OSBP2: variants seen among roughly 807,000 people sequenced by gnomAD.
OSBP2 encodes oxysterol-binding protein 2.
Under a neutral mutation model 96.0 loss-of-function variants are expected in OSBP2, and 66 were observed. The observed-to-expected ratio is 0.69, with a 90% confidence interval of 0.56 to 0.84. The LOEUF is 0.84. Among genes scored for constraint, OSBP2 ranks in the 40% least tolerant of loss-of-function variants. OSBP2 has a pLI of 0.00. For synonymous variants in OSBP2, 525 were observed against 520.9 expected, an observed-to-expected ratio of 1.01 and a Z score of -0.11; for missense variants, 1,038 against 1,222.7, an observed-to-expected ratio of 0.85 and a Z score of 2.25.
At chr22:30,820,374 G>GTT (rs1187263710) in intron 2 of OSBP2, among the ~76,000 whole-genome samples, 1 of 150,608 alleles carries the variant, frequency 6.6e-6, no homozygotes, top group South Asian at 2.1e-4. Flanking sequence ...GGGTGACAGA[G>GTT]TAAGACCCCA....
chr22:30,861,461 G>C (rs2039209056), intron 2 of OSBP2, among the ~76,000 whole-genome samples: 1 of 152,240 alleles, frequency 6.6e-6, no homozygotes, highest in African/African-American at 2.4e-5. Flanking sequence ...GATGAGGAGA[G>C]AGGGGCCTAC....
chr22:30,747,229 A>C (rs1247512203), intron 2 of OSBP2, among the ~76,000 whole-genome samples: 2 of 152,224 alleles, frequency 1.3e-5, no homozygotes, highest in East Asian at 3.8e-4. Context: ...GGGAAGTGAC[A>C]GCTTAAAGGG....
At chr22:30,701,601 C>G (rs2089164552) in intron 1 of OSBP2, among the ~76,000 whole-genome samples, 1 of 152,070 alleles carries the variant, frequency 6.6e-6, no homozygotes, top group Non-Finnish European at 1.5e-5. Flanking sequence ...CCTCGGCCTC[C>G]CAAAGTGCTG....
intron 2 of OSBP2, among the ~76,000 whole-genome samples, chr22:30,852,558 A>C (rs2038996340): frequency 6.6e-6 from 1 of 151,938 alleles, no homozygotes; most frequent in Non-Finnish European, 1.5e-5. Context: ...CTAGAGATTT[A>C]TCAATTTTAT....
intron 1 of OSBP2, among the ~76,000 whole-genome samples, chr22:30,727,264 TAGA>T (rs1376181070): frequency 6.6e-6 from 1 of 152,140 alleles, no homozygotes; most frequent in Non-Finnish European, 1.5e-5. Flanking sequence ...ACCTGAGAGG[TAGA>T]AGAACTGAAA....
chr22:30,764,036 G>C (rs2090239607), intron 2 of OSBP2, among the ~76,000 whole-genome samples: 2 of 152,232 alleles, frequency 1.3e-5, no homozygotes, highest in Admixed American at 6.5e-5. Flanking sequence ...CTCCGTACCT[G>C]TGAGTCATTT....
At chr22:30,828,314 G>A (rs1424144285) in intron 2 of OSBP2, among the ~76,000 whole-genome samples, 2 of 152,184 alleles carry the variant, frequency 1.3e-5, no homozygotes, top group Admixed American at 1.3e-4. Flanking sequence ...CAGCAGCTGC[G>A]TAGGGCACAT....
In OSBP2 at chr22:30,865,631, C is replaced by CAAAA. The variant is rs398040482; in HGVS notation, c.854-4776_854-4773dup. On this transcript the variant is annotated intron_variant, in intron 2 of 13. Transcript: ENST00000332585. Reference sequence around the variant, plus strand: ...TGGGTGACAAAGCAAGACTCCATCTCAAAAAAAAAAAAAAAAAAAAAAAAA... The same window carrying CAAAA: ...TGGGTGACAAAGCAAGACTCCATCTCAAAAAAAAAAAAAAAAAAAAAAAAAAAAA... Among the ~76,000 whole-genome samples, 580 of 59,752 alleles carry CAAAA rather than the reference C, an allele frequency of 9.7e-3. 26 individuals carry two copies. The highest frequency in any genetic ancestry group is 0.044 in the African/African-American group (512 of 11,564). 39.2% of individuals were successfully genotyped at this position (59,752 alleles called of 152,430 possible).
At chr22:30,848,331 A>C (rs2038912234) in intron 2 of OSBP2, among the ~76,000 whole-genome samples, 1 of 152,206 alleles carries the variant, frequency 6.6e-6, no homozygotes, top group Admixed American at 6.5e-5. Flanking sequence ...TGAAATGTAC[A>C]TTTATATATA....
At chr22:30,811,317 T>A (rs914517614) in intron 2 of OSBP2, among the ~76,000 whole-genome samples, 3 of 141,282 alleles carry the variant, frequency 2.1e-5, no homozygotes, top group Admixed American at 7.2e-5. Flanking sequence ...ATTTTATTTT[T>A]TTTATTTTTA....
At chr22:30,889,420 C>A in intron 6 of OSBP2, 70 bp from the exon 7 acceptor site, 2 of 1,578,038 alleles carry the variant, frequency 1.3e-6, no homozygotes, top group Admixed American at 1.7e-5. Flanking sequence ...GGGTGGAGGG[C>A]AGAAACTTGG....
Position 30,695,176 on chromosome 22 carries a change from G to A in OSBP2, c.267G>A (p.Glu89=). 1.2e-6 allele frequency: 2 copies of A among 1,612,160 alleles called. No homozygotes were observed. Among genetic ancestry groups the A allele is most frequent in the Non-Finnish European group, 1.7e-6 (2 of 1,178,902 alleles). ...AACCTGTGTCCGAGACGACGTCTGA[G>A]CCGGAGCCAGGGGCTGGGCAGCCAT... ...RSEPVSETTS[E]PEPGAGQPSE... Residue 89 remains glutamate, a synonymous_variant, in exon 1 of 14, where the codon GAG becomes GAA. Coordinates refer to ENST00000332585, the MANE Select transcript of OSBP2 (RefSeq NM_030758.4).
rs537271598 is a variant in OSBP2, at chr22:30,848,377, A to G, written c.854-22052A>G. On this transcript the variant is annotated intron_variant, in intron 2 of 13. Coordinates refer to ENST00000332585, the MANE Select transcript of OSBP2 (RefSeq NM_030758.4). The stretch of plus-strand genomic sequence containing the variant: ...GTCATATGTATATCTGTATGTCTGT[A>G]GGATAAATGACTAGAACTGGATCAG... Among the ~76,000 whole-genome samples the G allele has an allele frequency of 4.6e-5, 7 of 152,328 alleles. No individual in the cohort carries two copies. In the South Asian group the frequency reaches 1.5e-3, roughly 32 times the overall value.
chr22:30,852,378 G>A (rs2038993664), intron 2 of OSBP2, among the ~76,000 whole-genome samples: 1 of 152,004 alleles, frequency 6.6e-6, no homozygotes, highest in Admixed American at 6.6e-5. Flanking sequence ...TTGGTAATTG[G>A]TTCTTTCAAG....
chr22:30,704,354 C>T (rs747982868), intron 1 of OSBP2, among the ~76,000 whole-genome samples: 27 of 152,024 alleles, frequency 1.8e-4, no homozygotes, highest in Non-Finnish European at 3.8e-4. Context: ...ACACAAGATG[C>T]GCTTAATCCC....
chr22:30,808,907 T>C (rs111643534), intron 2 of OSBP2, among the ~76,000 whole-genome samples: 1 of 152,180 alleles, frequency 6.6e-6, no homozygotes, highest in African/African-American at 2.4e-5. Flanking sequence ...TGAGCTGAGA[T>C]TGTGCCACTG....
intron 1 of OSBP2, among the ~76,000 whole-genome samples, chr22:30,715,837 A>T (rs1024504518): frequency 8.2e-5 from 12 of 145,890 alleles, no homozygotes; most frequent in Admixed American, 2.8e-4. Context: ...GATTATAAGC[A>T]TGAGCCACCA....
intron 3 of OSBP2, among the ~76,000 whole-genome samples, chr22:30,877,545 G>A (rs2147126130): frequency 6.6e-6 from 1 of 152,292 alleles, no homozygotes. Context: ...CATATTACAA[G>A]CTCAGGCTTG....
chr22:30,865,832 A>C (rs1392771084), intron 2 of OSBP2, among the ~76,000 whole-genome samples: 1 of 152,060 alleles, frequency 6.6e-6, no homozygotes, highest in African/African-American at 2.4e-5. Flanking sequence ...ACCCAAGGCC[A>C]TGTGGAGTGA....
Sources: gnomAD v4.1 joint callset for allele counts (sites outside exome capture counted in the v4.1 genomes callset) on GRCh38, gnomAD v4.1.1 for gene constraint, MANE v1.5 for transcripts, NCBI Gene and HGNC (gene_info 2026-07-23, HGNC 2026-07-21) for gene names.